Variants in SFMBT2 observed in about 807,000 individuals in gnomAD.
SFMBT2 encodes the protein scm-like with four MBT domains protein 2.
Under a neutral mutation model 110.1 loss-of-function variants are expected in SFMBT2, and 38 were observed. That is an observed-to-expected ratio of 0.35 (90% CI 0.27 to 0.45). The LOEUF is 0.45. Among genes scored for constraint, SFMBT2 ranks in the 20% least tolerant of loss-of-function variants. The pLI is 1.00. For synonymous variants in SFMBT2, 425 were observed against 425.4 expected, an observed-to-expected ratio of 1.00 and a Z score of 0.01; for missense variants, 1,011 against 1,094.9, an observed-to-expected ratio of 0.92 and a Z score of 1.08.
At chr10:7,252,470 C>G (rs1163047307) in intron 7 of SFMBT2, among the ~76,000 whole-genome samples, 1 of 152,226 alleles carries the variant, frequency 6.6e-6, no homozygotes, top group East Asian at 1.9e-4. Flanking sequence ...TTCCTGCAGA[C>G]AACACACAAT....
At position 7,160,325 on chromosome 10, in the gene SFMBT2, C is replaced by T. The variant is rs888601552; in HGVS notation, c.*3445G>A. The T allele has an allele frequency of 6.6e-6, 1 of 152,102 alleles. No individual in the cohort carries two copies. The highest frequency in any genetic ancestry group is 1.5e-5 in the Non-Finnish European group (1 of 68,024). The allele number at this position is 152,102 out of a possible 1,614,324, so 9.4% of individuals were successfully genotyped here. On this transcript the variant is annotated 3_prime_UTR_variant, in exon 21 of 21. Coordinates refer to ENST00000397167, the MANE Select transcript of SFMBT2 (RefSeq NM_001387889.1). ...GACAGGATATTTTTTCAACATAGTA[C>T]AAATACAGTCAAGAAGTGAGGAGCT...
chr10:7,396,694 A>G (rs1845934683), intron 1 of SFMBT2, among the ~76,000 whole-genome samples: 1 of 151,896 alleles, frequency 6.6e-6, no homozygotes, highest in Non-Finnish European at 1.5e-5. Flanking sequence ...TTGTGCATAT[A>G]CACCATGGAA....
At chr10:7,349,749 G>A (rs563105795) in intron 4 of SFMBT2, among the ~76,000 whole-genome samples, 23 of 151,952 alleles carry the variant, frequency 1.5e-4, no homozygotes, top group East Asian at 3.9e-4. Context: ...GTGAGCCACC[G>A]TGCCCGGCCC....
At chr10:7,299,336 G>A (rs577346938) in intron 4 of SFMBT2, among the ~76,000 whole-genome samples, 48 of 152,122 alleles carry the variant, frequency 3.2e-4, no homozygotes, top group East Asian at 2.7e-3. Context: ...CAATCTACCC[G>A]TCTGACAAAG....
chr10:7,225,396 G>C (rs561008399), intron 10 of SFMBT2, among the ~76,000 whole-genome samples: 8 of 152,294 alleles, frequency 5.3e-5, no homozygotes, highest in African/African-American at 1.9e-4. Context: ...GGAGATGTGT[G>C]ATTAAAAAAT....
intron 4 of SFMBT2, among the ~76,000 whole-genome samples, chr10:7,345,956 T>C (rs946096832): frequency 6.6e-6 from 1 of 152,226 alleles, no homozygotes; most frequent in Admixed American, 6.5e-5. Context: ...TCCCTGACTC[T>C]GGAATAACGG....
chr10:7,199,038 G>A (rs112019919), intron 14 of SFMBT2, among the ~76,000 whole-genome samples: 3,382 of 152,272 alleles, frequency 0.022, 53 homozygotes, highest in Middle Eastern at 0.068. Flanking sequence ...GAATGCAGTG[G>A]TGCAATCTCA....
chr10:7,271,291 CAAAAAAAAA>C (rs56364927), intron 7 of SFMBT2, among the ~76,000 whole-genome samples: 1 of 97,564 alleles, frequency 1.0e-5, no homozygotes, highest in African/African-American at 3.9e-5. Context: ...AGATTGCCTC[CAAAAAAAAA>C]AAAAAAAAAA....
In SFMBT2 at chr10:7,285,913, G is replaced by C; in HGVS notation, c.478C>G (p.Arg160Gly). 1 of 872,430 alleles carries C rather than the reference G, an allele frequency of 1.1e-6. No individual in the cohort carries two copies. Among genetic ancestry groups the C allele is most frequent in the African/African-American group, 1.6e-5 (1 of 61,412 alleles). The allele number at this position is 872,430 out of a possible 1,614,324, so 54.0% of individuals were successfully genotyped here. A position where few individuals can be genotyped will look rare whatever the true frequency, so the allele number is the denominator to read the frequency against. ...GCTGTCCTCGAACCAGTCAAGTCACGTATGAGAAATTCTGTCCAGTCTGTG... is the reference window on the plus strand; with the variant it reads ...GCTGTCCTCGAACCAGTCAAGTCACCTATGAGAAATTCTGTCCAGTCTGTG... ...KYTDWTEFLI[R>G]DLTGSRTAPA... The change falls in exon 5 of 21, where the codon CGT becomes GGT. Residue 160 changes from arginine to glycine, a missense_variant. Coordinates refer to ENST00000397167, the MANE Select transcript of SFMBT2 (RefSeq NM_001387889.1).
At position 7,285,583 on chromosome 10, in the gene SFMBT2, T is replaced by C. The variant is rs561093889; in HGVS notation, c.525+283A>G. On this transcript the variant is annotated intron_variant, in intron 5 of 20. Coordinates refer to ENST00000397167, the MANE Select transcript of SFMBT2 (RefSeq NM_001387889.1). ...CACATAGGAAAGAGGCTTAAAGATA[T>C]AGGACAGTAGGAAGACATCCTAGCA... The C allele has an allele frequency of 1.2e-4, 40 of 328,674 alleles. 1 individual carries two copies. The South Asian group carries it at 1.5e-3, about 12-fold the overall frequency. 20.4% of individuals were successfully genotyped at this position (328,674 alleles called of 1,614,324 possible). A position where few individuals can be genotyped will look rare whatever the true frequency, so the allele number is the denominator to read the frequency against.
chr10:7,300,707 G>A (rs1588430290), intron 4 of SFMBT2, among the ~76,000 whole-genome samples: 1 of 152,346 alleles, frequency 6.6e-6, no homozygotes, highest in African/African-American at 2.4e-5. Flanking sequence ...TCCAGGCCCA[G>A]CATCGTCTCT....
At chr10:7,302,467 G>A (rs551694799) in intron 4 of SFMBT2, among the ~76,000 whole-genome samples, 8 of 152,336 alleles carry the variant, frequency 5.3e-5, no homozygotes, top group East Asian at 1.9e-4. Context: ...AGCTCCAAAC[G>A]TGGCTGTGAC....
intron 15 of SFMBT2, among the ~76,000 whole-genome samples, chr10:7,197,096 G>A (rs551075637): frequency 1.3e-5 from 2 of 152,024 alleles, no homozygotes; most frequent in South Asian, 4.2e-4. Flanking sequence ...AGAGATGGAT[G>A]AAACAAAAAG....
intron 2 of SFMBT2, among the ~76,000 whole-genome samples, chr10:7,379,847 T>C (rs1372170456): frequency 6.6e-6 from 1 of 152,206 alleles, no homozygotes; most frequent in African/African-American, 2.4e-5. Flanking sequence ...GCTCTCACAC[T>C]TGCCATCCAT....
At chr10:7,385,342 G>A (rs1023364597) in intron 1 of SFMBT2, among the ~76,000 whole-genome samples, 1 of 152,206 alleles carries the variant, frequency 6.6e-6, no homozygotes, top group African/African-American at 2.4e-5. Flanking sequence ...TGGGCTTGGA[G>A]AGCGGAGGGT....
At chr10:7,409,614 A>G (rs2132140380) in intron 1 of SFMBT2, among the ~76,000 whole-genome samples, 1 of 151,628 alleles carries the variant, frequency 6.6e-6, no homozygotes, top group African/African-American at 2.4e-5. Context: ...CCCCCTAGCA[A>G]TGGACTTGAC....
intron 12 of SFMBT2, chr10:7,204,674 G>T: frequency 4.6e-6 from 1 of 219,372 alleles, no homozygotes; most frequent in Non-Finnish European, 7.7e-6. Flanking sequence ...AGAAGTTCGA[G>T]ACAAGCCTGA....
intron 8 of SFMBT2, among the ~76,000 whole-genome samples, chr10:7,244,709 T>C (rs1224627234): frequency 3.3e-5 from 5 of 152,236 alleles, no homozygotes; most frequent in Non-Finnish European, 7.3e-5. Context: ...CCAGTCTTTC[T>C]TAGGAAACCT....
At chr10:7,270,175 A>G (rs1213870970) in intron 7 of SFMBT2, among the ~76,000 whole-genome samples, 1 of 152,152 alleles carries the variant, frequency 6.6e-6, no homozygotes, top group African/African-American at 2.4e-5. Flanking sequence ...AGATGTGGAG[A>G]AGGCCATGTG....
Sources: gnomAD v4.1 joint callset for allele counts (sites outside exome capture counted in the v4.1 genomes callset) on GRCh38, gnomAD v4.1.1 for gene constraint, MANE v1.5 for transcripts, NCBI Gene and HGNC (gene_info 2026-07-23, HGNC 2026-07-21) for gene names.